The following FRS2 variants were observed in gnomAD, a reference collection of about 807,000 sequenced individuals.
The protein encoded by FRS2 is FGFR signalling adaptor.
A neutral mutation model predicts 43.9 loss-of-function variants in FRS2; 8 were observed. The ratio of observed to expected loss-of-function variants is 0.18; its 90% CI spans 0.11 to 0.33. The LOEUF (loss-of-function observed/expected upper bound fraction) is 0.33. Among genes scored for constraint, FRS2 ranks in the 10% least tolerant of loss-of-function variants. The pLI, the probability that FRS2 is intolerant of heterozygous loss-of-function variation, is 1.00. For synonymous variants in FRS2, 219 were observed against 220.3 expected (o/e 0.99, Z 0.05); for missense variants, 534 against 627.6 (o/e 0.85, Z 1.59).
intron 1 of FRS2, among the ~76,000 whole-genome samples, chr12:69,488,531 CTT>C (rs1872164992): frequency 6.6e-6 from 1 of 152,120 alleles, no homozygotes; most frequent in Non-Finnish European, 1.5e-5. Context: ...AAACCAAAAA[CTT>C]TGTGACTTGC....
chr12:69,578,201 G>A lies in FRS2; in HGVS notation c.*3246G>A, dbSNP rs1024121793. ...GCCCAAATGTTTTGTGCAATGTGTAGTGTGTGTGTATAAATACATATATTC... is the reference window on the plus strand; with the variant it reads ...GCCCAAATGTTTTGTGCAATGTGTAATGTGTGTGTATAAATACATATATTC... On this transcript the variant is annotated 3_prime_UTR_variant, in exon 9 of 9. Coordinates refer to ENST00000549921, the MANE Select transcript of FRS2 (RefSeq NM_001278356.2). The A allele has an allele frequency of 6.6e-6, 1 of 152,548 alleles. No homozygotes were observed. The highest frequency in any genetic ancestry group is 1.5e-5 in the Non-Finnish European group (1 of 68,010). The allele number at this position is 152,548 out of a possible 1,614,324, so 9.4% of individuals were successfully genotyped here. A position where few individuals can be genotyped will look rare whatever the true frequency, so the allele number is the denominator to read the frequency against.
intron 1 of FRS2, among the ~76,000 whole-genome samples, chr12:69,521,830 G>A (rs977269231): frequency 6.6e-6 from 1 of 152,136 alleles, no homozygotes; most frequent in Non-Finnish European, 1.5e-5. Context: ...TAGCCAGGAT[G>A]GTCTCGATCT....
chr12:69,496,046 C>T (rs532204157), intron 1 of FRS2, among the ~76,000 whole-genome samples: 3 of 152,140 alleles, frequency 2.0e-5, no homozygotes, highest in African/African-American at 4.8e-5. Context: ...ATTTGACTTA[C>T]GATAATACTA....
At chr12:69,552,749 G>T (rs1204785413) in intron 3 of FRS2, among the ~76,000 whole-genome samples, 1 of 152,064 alleles carries the variant, frequency 6.6e-6, no homozygotes, top group Non-Finnish European at 1.5e-5. Flanking sequence ...AAACTTAGCT[G>T]GGCGTGGTGG....
chr12:69,557,243 G>A (rs1879434349), intron 3 of FRS2, among the ~76,000 whole-genome samples: 1 of 152,140 alleles, frequency 6.6e-6, no homozygotes, highest in African/African-American at 2.4e-5. Context: ...ACAGTTGTAA[G>A]ATTAATACAT....
chr12:69,498,300 G>A (rs1490845739), intron 1 of FRS2, among the ~76,000 whole-genome samples: 2 of 152,138 alleles, frequency 1.3e-5, no homozygotes, highest in East Asian at 1.9e-4. Flanking sequence ...AAAAGTATAA[G>A]GCACAATGAC....
chr12:69,571,462 T>A, intron 7 of FRS2, 28 bp downstream of exon 7: 1 of 1,570,270 alleles, frequency 6.4e-7, no homozygotes, highest in Non-Finnish European at 8.7e-7. Flanking sequence ...CTTTCACATT[T>A]TGAATAACAG....
At chr12:69,559,461 A>T (rs1368387225) in intron 3 of FRS2, among the ~76,000 whole-genome samples, 1 of 152,180 alleles carries the variant, frequency 6.6e-6, no homozygotes, top group African/African-American at 2.4e-5. Context: ...GATTAAAAAA[A>T]AACTAAAGAA....
chr12:69,538,380 A>G lies in FRS2; in HGVS notation c.-122+6324A>G, dbSNP rs191832220. On this transcript the variant is annotated intron_variant, in intron 3 of 8. Coordinates refer to ENST00000549921, the MANE Select transcript of FRS2 (RefSeq NM_001278356.2). ...AACTTACGTAAGGTTTGTATGAGAA[A>G]CATAATACAGAATGCTAATCGGCGG... Among the ~76,000 whole-genome samples the G allele has an allele frequency of 3.7e-3, 554 of 151,764 alleles. 1 individual carries two copies. Among genetic ancestry groups the G allele is most frequent in the African/African-American group, 0.013 (530 of 41,372 alleles).
In FRS2 at chr12:69,571,385, T is replaced by G. The variant is rs1192411774; in HGVS notation, c.363T>G (p.Asn121Lys). ...NVVEEPVVER[N>K]NHQTELEVPR... The stretch of plus-strand genomic sequence containing the variant: ...TGGAAGAGCCAGTTGTAGAAAGAAA[T>G]AATCATCAGACAGAATTGGAAGTCC... Residue 121 changes from asparagine (N) to lysine (K), a missense_variant, in exon 7 of 9, where the codon AAT becomes AAG. By Grantham distance (94) the Asn-to-Lys change is moderately conservative (BLOSUM62 0). This residue lies in a region of FRS2 where 446 missense variants were observed against 494.2 expected (regional missense o/e 0.90). Transcript: ENST00000549921. The G allele has an allele frequency of 3.1e-6, 5 of 1,612,874 alleles. No homozygotes were observed. Among genetic ancestry groups the G allele is most frequent in the Non-Finnish European group, 4.2e-6 (5 of 1,179,128 alleles).
intron 6 of FRS2, 49 bp downstream of exon 6, chr12:69,570,566 T>C (rs1371253515): frequency 1.8e-6 from 2 of 1,141,976 alleles, no homozygotes; most frequent in African/African-American, 3.1e-5. Flanking sequence ...AATTGTTTTT[T>C]CAGCTATTCT....
chr12:69,574,377 G>A lies in FRS2; in HGVS notation c.949G>A (p.Ala317Thr). 6.2e-7 allele frequency: 1 copy of A among 1,613,896 alleles called. No homozygotes were observed. Among genetic ancestry groups the A allele is most frequent in the Non-Finnish European group, 8.5e-7 (1 of 1,179,766 alleles). The change falls in exon 9 of 9, where the codon GCC becomes ACC. Residue 317 changes from alanine to threonine, a missense_variant. By Grantham distance (58) the Ala-to-Thr change is moderately conservative. Transcript: ENST00000549921. ...TATAAATGGGCTATCTATCCCTAGT[G>A]CCTCAGGGGTCAGGAGAGGTCGTCT... ...ENINGLSIPSASGVRRGRLTS... is the reference protein window; with the variant it reads ...ENINGLSIPSTSGVRRGRLTS...
chr12:69,471,028 G>A (rs1870233230), intron 1 of FRS2, among the ~76,000 whole-genome samples: 1 of 152,084 alleles, frequency 6.6e-6, no homozygotes, highest in African/African-American at 2.4e-5. Flanking sequence ...ACATGCCAGG[G>A]ATCTTTTGCA....
chr12:69,485,089 A>AGACACACACACACACACACACACGCGCG, intron 1 of FRS2, among the ~76,000 whole-genome samples: 1 of 107,630 alleles, frequency 9.3e-6, no homozygotes, highest in East Asian at 2.6e-4. Flanking sequence ...TAAAACACAC[A>AGACACACACACACACACACACACGCGCG]CACACACACA....
Position 69,575,106 on chromosome 12 carries a change from T to C in FRS2, c.*151T>C, listed in dbSNP as rs1881100040. 5.0e-6 allele frequency: 3 copies of C among 600,646 alleles called. No individual in the cohort carries two copies. The allele number at this position is 600,646 out of a possible 1,614,324, so 37.2% of individuals were successfully genotyped here. A position where few individuals can be genotyped will look rare whatever the true frequency, so the allele number is the denominator to read the frequency against. On this transcript the variant is annotated 3_prime_UTR_variant, in exon 9 of 9. Transcript: ENST00000549921. ...CATGTGCATCTTTAACTAAAGGGAA[T>C]TAATGTAGAGCAGGTACTCCTTAAA... is the stretch of plus-strand genomic sequence containing the variant.
At chr12:69,543,168 TACAG>T in intron 3 of FRS2, among the ~76,000 whole-genome samples, 1 of 152,340 alleles carries the variant, frequency 6.6e-6, no homozygotes, top group East Asian at 1.9e-4. Flanking sequence ...GCTGTCAGTT[TACAG>T]ACAAATCTAA....
intron 3 of FRS2, among the ~76,000 whole-genome samples, chr12:69,535,260 T>C (rs1877161356): frequency 6.6e-6 from 1 of 152,242 alleles, no homozygotes; most frequent in East Asian, 1.9e-4. Flanking sequence ...AAGATTTTAC[T>C]GTGGGCACCA....
chr12:69,479,427 C>T (rs115602075), intron 1 of FRS2, among the ~76,000 whole-genome samples: 1,409 of 122,354 alleles, frequency 0.012, 27 homozygotes, highest in African/African-American at 0.041. Flanking sequence ...TGAGACCAGT[C>T]TTGCTCTGTT....
intron 3 of FRS2, among the ~76,000 whole-genome samples, chr12:69,535,986 C>G (rs1877234847): frequency 6.7e-6 from 1 of 150,268 alleles, no homozygotes; most frequent in South Asian, 2.1e-4. Context: ...ATGAAAGGGC[C>G]CTCTATCTGA....
Sources: allele counts gnomAD v4.1 joint callset (sites outside exome capture counted in the v4.1 genomes callset), GRCh38; gene constraint gnomAD v4.1.1; regional missense constraint gnomAD v4.1.1; transcripts MANE v1.5; gene names NCBI Gene and HGNC (gene_info 2026-07-23, HGNC 2026-07-21).